CHST15: variants seen among roughly 807,000 people sequenced by gnomAD.
CHST15 encodes the protein B cell RAG associated protein (GALNAC4S-6ST).
In CHST15, 30 loss-of-function variants were observed where a neutral mutation model predicts 53.6. That is an observed-to-expected ratio of 0.56 (90% CI 0.42 to 0.76). The LOEUF (loss-of-function observed/expected upper bound fraction) is 0.76. Among genes scored for constraint, CHST15 ranks in the 30% least tolerant of loss-of-function variants. CHST15 has a pLI of 0.00. For synonymous variants in CHST15, 296 were observed against 289.8 expected, an observed-to-expected ratio of 1.02 and a Z score of -0.22; for missense variants, 627 against 740.5, an observed-to-expected ratio of 0.85 and a Z score of 1.78.
At chr10:124,028,371 C>T (rs1279787867) in intron 5 of CHST15, among the ~76,000 whole-genome samples, 1 of 152,176 alleles carries the variant, frequency 6.6e-6, no homozygotes, top group Non-Finnish European at 1.5e-5. Context: ...CTCTGCAGGA[C>T]CTGGCTCCAA....
chr10:124,027,809 C>G (rs1003867447), intron 5 of CHST15, among the ~76,000 whole-genome samples: 3 of 152,192 alleles, frequency 2.0e-5, no homozygotes, highest in African/African-American at 7.2e-5. Flanking sequence ...AGCTCCAGGG[C>G]AGGGCTGGGA....
chr10:124,079,618 T>C (rs1485345454), intron 1 of CHST15, among the ~76,000 whole-genome samples: 2 of 151,684 alleles, frequency 1.3e-5, no homozygotes, highest in East Asian at 1.9e-4. Flanking sequence ...GGTAGGGAGG[T>C]GGCTGCAACA....
intron 1 of CHST15, among the ~76,000 whole-genome samples, chr10:124,050,781 G>GAGTC (rs1564888801): frequency 6.6e-6 from 1 of 152,162 alleles, no homozygotes; most frequent in Non-Finnish European, 1.5e-5. Context: ...ACGCTGTGGG[G>GAGTC]AGTCCCAGCC....
intron 6 of CHST15, among the ~76,000 whole-genome samples, chr10:124,014,517 AAG>A (rs1216937652): frequency 3.9e-5 from 6 of 152,184 alleles, no homozygotes; most frequent in Admixed American, 3.9e-4. Context: ...GCCGAAACTA[AAG>A]AGAAAATGAG....
chr10:124,076,988 C>T lies in CHST15; in HGVS notation c.-513+16481G>A, dbSNP rs148141187. On this transcript the variant is annotated intron_variant, in intron 1 of 7. Coordinates refer to ENST00000435907, the MANE Select transcript of CHST15 (RefSeq NM_001270764.2). ...CCTCCCAAAGTGTTGGGATTACAGGCGTGAGCCACCGCGCCCGGCCAATTC... is the reference window on the plus strand; with the variant it reads ...CCTCCCAAAGTGTTGGGATTACAGGTGTGAGCCACCGCGCCCGGCCAATTC... Among the ~76,000 whole-genome samples the T allele has an allele frequency of 4.3e-4, 65 of 152,336 alleles. No homozygotes were observed. The East Asian group carries it at 6.9e-3, about 16-fold the overall frequency.
At chr10:124,053,081 G>C (rs1948257134) in intron 1 of CHST15, among the ~76,000 whole-genome samples, 1 of 152,098 alleles carries the variant, frequency 6.6e-6, no homozygotes, top group South Asian at 2.1e-4. Flanking sequence ...ATGTTAGCTG[G>C]TATTACAGAT....
In CHST15 at chr10:124,068,278, C is replaced by T. The variant is rs751335624; in HGVS notation, c.-512-21554G>A. 1.1e-3 allele frequency among the ~76,000 whole-genome samples: 169 copies of T among 152,242 alleles called. 1 individual carries two copies. The highest frequency in any genetic ancestry group is 4.0e-4 in the Non-Finnish European group (27 of 68,018). ...AGCTGGAGTTCTCATCCTGGCTCCA[C>T]GGCCTGACACTTAGCCCACCTCAGT... On this transcript the variant is annotated intron_variant, in intron 1 of 7. Transcript: ENST00000435907.
At chr10:124,020,605 A>G (rs1946742689) in intron 6 of CHST15, 2 of 987,146 alleles carry the variant, frequency 2.0e-6, no homozygotes, top group South Asian at 9.4e-5. Flanking sequence ...AAGGCTTGTA[A>G]AGCCACTCTG....
intron 4 of CHST15, 27 bp downstream of exon 4, chr10:124,042,274 C>G (rs761611829): frequency 1.3e-6 from 2 of 1,596,006 alleles, no homozygotes; most frequent in African/African-American, 2.7e-5. Context: ...GGGTGCTAGC[C>G]CTGCCAGAGT....
rs959714938 is a variant in CHST15, at chr10:124,081,857, C to A, written c.-513+11612G>T. On this transcript the variant is annotated intron_variant, in intron 1 of 7. Transcript: ENST00000435907. The stretch of plus-strand genomic sequence containing the variant: ...CAGCGTACCCTTGAAAAAACAACTT[C>A]CTAATGTATCCTGGAGTCACAATTA... Among the ~76,000 whole-genome samples the A allele has an allele frequency of 4.6e-5, 7 of 152,332 alleles. No homozygotes were observed. In the South Asian group the frequency reaches 1.5e-3, roughly 32 times the overall value.
At chr10:124,082,110 A>G (rs923353015) in intron 1 of CHST15, among the ~76,000 whole-genome samples, 12 of 152,122 alleles carry the variant, frequency 7.9e-5, no homozygotes, top group Non-Finnish European at 1.2e-4. Context: ...GGACAGACAG[A>G]TGGGTGAAAG....
At chr10:124,025,211 T>C (rs1244099114) in intron 5 of CHST15, among the ~76,000 whole-genome samples, 1 of 152,184 alleles carries the variant, frequency 6.6e-6, no homozygotes, top group Non-Finnish European at 1.5e-5. Context: ...TCTTCAGAGA[T>C]CAAGAAGTAA....
intron 3 of CHST15, 114 bp downstream of exon 3, chr10:124,044,466 A>C: frequency 3.6e-6 from 3 of 830,070 alleles, no homozygotes; most frequent in Non-Finnish European, 5.3e-6. Context: ...TAACAAGGGA[A>C]TTGTGCCATC....
At chr10:124,054,157 C>T (rs534952216) in intron 1 of CHST15, among the ~76,000 whole-genome samples, 34 of 152,310 alleles carry the variant, frequency 2.2e-4, no homozygotes, top group African/African-American at 7.7e-4. Flanking sequence ...CTTCCTCTCC[C>T]TGAGCAAGCC....
chr10:124,037,664 G>A (rs1295417287), intron 5 of CHST15, among the ~76,000 whole-genome samples: 1 of 152,206 alleles, frequency 6.6e-6, no homozygotes, highest in Non-Finnish European at 1.5e-5. Flanking sequence ...TGCCAGCCAG[G>A]CCGCCCCATA....
intron 2 of CHST15, 39 bp downstream of exon 2, chr10:124,045,628 A>C: frequency 6.6e-7 from 1 of 1,512,062 alleles, no homozygotes; most frequent in Non-Finnish European, 8.8e-7. Context: ...CATTTCTAAA[A>C]ATCAACCAAT....
chr10:124,050,311 G>A (rs1948147720), intron 1 of CHST15, among the ~76,000 whole-genome samples: 1 of 152,148 alleles, frequency 6.6e-6, no homozygotes, highest in African/African-American at 2.4e-5. Context: ...AGGGGCTGCA[G>A]GGCACAAGCT....
intron 1 of CHST15, among the ~76,000 whole-genome samples, chr10:124,052,521 T>C (rs1160051788): frequency 1.3e-5 from 2 of 152,224 alleles, no homozygotes; most frequent in Non-Finnish European, 2.9e-5. Flanking sequence ...TCTGGGCCTC[T>C]GTATTTTTCA....
At chr10:124,065,531 G>T (rs1948726929) in intron 1 of CHST15, among the ~76,000 whole-genome samples, 1 of 152,122 alleles carries the variant, frequency 6.6e-6, no homozygotes, top group African/African-American at 2.4e-5. Context: ...GACTGCTGGG[G>T]GTTGGCCCCA....
Sources: gnomAD v4.1 joint callset for allele counts (sites outside exome capture counted in the v4.1 genomes callset) on GRCh38, gnomAD v4.1.1 for gene constraint, MANE v1.5 for transcripts, NCBI Gene and HGNC (gene_info 2026-07-23, HGNC 2026-07-21) for gene names.